Variants in TP53BP2 observed in about 807,000 individuals in gnomAD.
The protein encoded by TP53BP2 is tumor protein p53 binding protein 2.
A neutral mutation model predicts 126.2 loss-of-function variants in TP53BP2; 62 were observed. That is an observed-to-expected ratio of 0.49 (90% CI 0.40 to 0.61). The LOEUF (loss-of-function observed/expected upper bound fraction) is 0.61. Among genes scored for constraint, TP53BP2 ranks in the 20% least tolerant of loss-of-function variants. TP53BP2 has a pLI of 0.00. For missense variants in TP53BP2, 1,215 were observed against 1,402.8 expected, an observed-to-expected ratio of 0.87 and a Z score of 2.14; for synonymous variants, 485 against 502.9, an observed-to-expected ratio of 0.96 and a Z score of 0.48.
chr1:223,840,271 T>A (rs1432584125), intron 1 of TP53BP2, among the ~76,000 whole-genome samples: 1 of 152,240 alleles, frequency 6.6e-6, no homozygotes, highest in Non-Finnish European at 1.5e-5. Flanking sequence ...AATTTTAATG[T>A]CTCACCTACC....
chr1:223,818,446 G>T (rs974092715), intron 2 of TP53BP2: 6 of 148,384 alleles, frequency 4.0e-5, no homozygotes, highest in African/African-American at 1.3e-4. Context: ...GGAAGTTGCA[G>T]TGGGCCAAGA....
chr1:223,781,487 C>G lies in TP53BP2; in HGVS notation c.3364-593G>C, dbSNP rs558922430. Among the ~76,000 whole-genome samples the G allele has an allele frequency of 8.5e-5, 13 of 152,336 alleles. No homozygotes were observed. In the East Asian group the frequency reaches 2.5e-3, roughly 29 times the overall value. ...TGAGTCCTAGTGAAGGTTGCAAGGC[C>G]TCTAGGCCTGAGCCAGGACCAAGTC... is the stretch of plus-strand genomic sequence containing the variant. On this transcript the variant is annotated intron_variant, in intron 17 of 17. Transcript: ENST00000343537.
intron 1 of TP53BP2, among the ~76,000 whole-genome samples, chr1:223,823,336 T>C (rs1158262414): frequency 1.3e-5 from 2 of 152,102 alleles, no homozygotes; most frequent in African/African-American, 4.8e-5. Flanking sequence ...GCCTCAAGAA[T>C]TGGTCAGAGA....
chr1:223,792,466 C>T lies in TP53BP2; in HGVS notation c.2919G>A (p.Val973=). ...DEGITALHNA[V]CAGHTEIVKF... is the part of the protein sequence containing the mutation. ...TAACGATTTCTGTGTGGCCTGCACA[C>T]ACAGCATTGTGAAGAGCCGTGATGC... Residue 973 remains valine (V), a synonymous_variant, in exon 15 of 18, where the codon GTG becomes GTA. Coordinates refer to ENST00000343537, the MANE Select transcript of TP53BP2 (RefSeq NM_001031685.3). The T allele has an allele frequency of 6.2e-7, 1 of 1,614,040 alleles. No individual in the cohort carries two copies. The highest frequency in any genetic ancestry group is 1.1e-5 in the South Asian group (1 of 91,068).
At position 223,837,900 on chromosome 1, in the gene TP53BP2, C is replaced by G. The variant is rs570914802; in HGVS notation, c.27+7754G>C. ...TTGCTTCGGCTCTTGTCACTCTGCC[C>G]TCTGCCCACGAAGCCCTGCCCCGCC... is the stretch of plus-strand genomic sequence containing the variant. On this transcript the variant is annotated intron_variant, in intron 1 of 17. Coordinates refer to ENST00000343537, the MANE Select transcript of TP53BP2 (RefSeq NM_001031685.3). Among the ~76,000 whole-genome samples the G allele has an allele frequency of 2.6e-5, 4 of 152,174 alleles. No homozygotes were observed. In the South Asian group the frequency reaches 8.3e-4, roughly 32 times the overall value.
chr1:223,810,471 C>A lies in TP53BP2; in HGVS notation c.332G>T (p.Gly111Val). 6.2e-7 allele frequency: 1 copy of A among 1,609,790 alleles called. No individual in the cohort carries two copies. The highest frequency in any genetic ancestry group is 8.5e-7 in the Non-Finnish European group (1 of 1,177,906). The change falls in exon 4 of 18, where the codon GGT (glycine) becomes GTT (valine). Residue 111 changes from glycine to valine, a missense_variant. By Grantham distance (109) the Gly-to-Val change is moderately radical. Coordinates refer to ENST00000343537, the MANE Select transcript of TP53BP2 (RefSeq NM_001031685.3). Reference sequence around the variant, plus strand: ...TCGATATTCACCAGGAACTTTTACACCATTTCTTTTTAAACTTGGATCCTG... The same window carrying A: ...TCGATATTCACCAGGAACTTTTACAACATTTCTTTTTAAACTTGGATCCTG... ...RSQDPSLKRN[G>V]VKVPGEYRRK...
At chr1:223,828,849 T>C (rs1230449121) in intron 1 of TP53BP2, among the ~76,000 whole-genome samples, 2 of 152,192 alleles carry the variant, frequency 1.3e-5, no homozygotes, top group Non-Finnish European at 2.9e-5. Context: ...GAGTGACTGA[T>C]AAAGGTATGG....
chr1:223,780,710 A>G lies in TP53BP2; in HGVS notation c.*143T>C, dbSNP rs1006042148. The G allele has an allele frequency of 5.3e-6, 4 of 761,626 alleles. No individual in the cohort carries two copies. The highest frequency in any genetic ancestry group is 8.5e-6 in the Non-Finnish European group (4 of 472,680). 47.2% of individuals were successfully genotyped at this position (761,626 alleles called of 1,614,324 possible). On this transcript the variant is annotated 3_prime_UTR_variant, in exon 18 of 18. Coordinates refer to ENST00000343537, the MANE Select transcript of TP53BP2 (RefSeq NM_001031685.3). ...CTAATGGTGAATTCTTCAATCCTTC[A>G]TTCTCTTCTAGAGACATTCTTCATC...
chr1:223,800,071 ACATT>A, intron 10 of TP53BP2, 24 bp from the exon 11 acceptor site: 3 of 1,586,386 alleles, frequency 1.9e-6, no homozygotes, highest in Non-Finnish European at 2.6e-6. Context: ...AATCACAATG[ACATT>A]CAAACTGTTT....
rs1357780575 is a variant in TP53BP2, at chr1:223,845,234, A to G, written c.27+420T>C. 8 of 985,048 alleles carry G rather than the reference A, an allele frequency of 8.1e-6. No individual in the cohort carries two copies. In the Admixed American group the frequency reaches 4.3e-4, roughly 53 times the overall value. 61.0% of individuals were successfully genotyped at this position (985,048 alleles called of 1,614,324 possible). A position where few individuals can be genotyped will look rare whatever the true frequency, so the allele number is the denominator to read the frequency against. ...ATTCAATTAAAAACAAAGCAAAGGTACCCGTTCCAGTAACGTATGTTTCAC... is the reference window on the plus strand; with the variant it reads ...ATTCAATTAAAAACAAAGCAAAGGTGCCCGTTCCAGTAACGTATGTTTCAC... On this transcript the variant is annotated intron_variant, in intron 1 of 17. Transcript: ENST00000343537.
At chr1:223,791,100 T>A (rs1662139934) in intron 15 of TP53BP2, among the ~76,000 whole-genome samples, 1 of 152,028 alleles carries the variant, frequency 6.6e-6, no homozygotes, top group South Asian at 2.1e-4. Context: ...ACATATGTAT[T>A]AGGAGCTTAA....
Position 223,800,690 on chromosome 1 carries a change from T to C in TP53BP2, c.1336+10A>G. 6.3e-7 allele frequency: 1 copy of C among 1,582,276 alleles called. No individual in the cohort carries two copies. The highest frequency in any genetic ancestry group is 2.3e-5 in the East Asian group (1 of 43,828). On this transcript the variant is annotated intron_variant, in intron 10 of 17. Coordinates refer to ENST00000343537, the MANE Select transcript of TP53BP2 (RefSeq NM_001031685.3). Reference sequence around the variant, plus strand: ...ATTTAATGTTCAAGAGTAGCACAAATAAATCTCACCTTGATCCAGAGCATT... The same window carrying C: ...ATTTAATGTTCAAGAGTAGCACAAACAAATCTCACCTTGATCCAGAGCATT...
At position 223,802,804 on chromosome 1, in the gene TP53BP2, T is replaced by A. The variant is rs752853600; in HGVS notation, c.923A>T (p.Asp308Val). The A allele has an allele frequency of 2.5e-6, 4 of 1,614,088 alleles. No homozygotes were observed. The African/African-American group carries it at 5.3e-5, about 22-fold the overall frequency. The change falls in exon 8 of 18, where the codon GAT (aspartate) becomes GTT (valine). Residue 308 changes from aspartate (D) to valine (V), a missense_variant. Transcript: ENST00000343537. ...NKRNSEVAVMDKRVNELRDRL... is the reference protein window; with the variant it reads ...NKRNSEVAVMVKRVNELRDRL... ...GTCCCTCAGCTCATTAACACGCTTA[T>A]CCATGACTGCCACTTCTGAATTACG... is the stretch of plus-strand genomic sequence containing the variant.
At chr1:223,802,682 G>T (rs1662568638) in intron 8 of TP53BP2, 49 bp downstream of exon 8, 3 of 1,604,284 alleles carry the variant, frequency 1.9e-6, no homozygotes, top group Admixed American at 1.7e-5. Context: ...CACTGGGCTG[G>T]TCATCTTTTT....
chr1:223,808,250 C>T (rs766534461), intron 4 of TP53BP2, among the ~76,000 whole-genome samples: 39 of 152,222 alleles, frequency 2.6e-4, no homozygotes, highest in Middle Eastern at 3.4e-3. Context: ...GGGCCGGGCA[C>T]GGTGGCTCAC....
intron 1 of TP53BP2, among the ~76,000 whole-genome samples, chr1:223,839,543 T>C (rs191996385): frequency 5.4e-4 from 82 of 152,380 alleles, no homozygotes; most frequent in Admixed American, 1.4e-3. Flanking sequence ...TATGGTTTTC[T>C]ACCACTTTTC....
chr1:223,781,788 A>C (rs1661786657), intron 17 of TP53BP2, among the ~76,000 whole-genome samples: 1 of 152,184 alleles, frequency 6.6e-6, no homozygotes. Flanking sequence ...CCCTAACTAC[A>C]TATATGCACT....
At chr1:223,834,944 T>C (rs1663868725) in intron 1 of TP53BP2, 1 of 873,492 alleles carries the variant, frequency 1.1e-6, no homozygotes, top group African/African-American at 1.8e-5. Context: ...AGTACACATG[T>C]TTTGGTTCTT....
At chr1:223,781,002 A>G in intron 17 of TP53BP2, 108 bp from the exon 18 acceptor site, 2 of 1,030,786 alleles carry the variant, frequency 1.9e-6, no homozygotes, top group Non-Finnish European at 2.9e-6. Context: ...GAAGGAAATC[A>G]AAGTGAGAAA....
Sources: allele counts gnomAD v4.1 joint callset (sites outside exome capture counted in the v4.1 genomes callset), GRCh38; gene constraint gnomAD v4.1.1; transcripts MANE v1.5; gene names NCBI Gene and HGNC (gene_info 2026-07-23, HGNC 2026-07-21).